HDAC1: variants seen among roughly 807,000 people sequenced by gnomAD.
HDAC1 encodes the protein histone deacetylase 1, also known as protein deacetylase HDAC1.
Under a neutral mutation model 65.5 loss-of-function variants are expected in HDAC1, and 18 were observed. That is an observed-to-expected ratio of 0.27 (90% CI 0.19 to 0.41). The LOEUF (loss-of-function observed/expected upper bound fraction) is 0.41, where lower values mean the gene tolerates loss of function less well. HDAC1 is among the 10% of genes least tolerant of loss of function. HDAC1 has a pLI of 1.00. For missense variants in HDAC1, 373 were observed against 625.2 expected, an observed-to-expected ratio of 0.60 and a Z score of 4.30; for synonymous variants, 211 against 227.9, an observed-to-expected ratio of 0.93 and a Z score of 0.67.
Position 32,333,072 on chromosome 1 carries a change from C to T in HDAC1, c.*28C>T. 2 of 1,600,492 alleles carry T rather than the reference C, an allele frequency of 1.2e-6. No individual in the cohort carries two copies. Among genetic ancestry groups the T allele is most frequent in the African/African-American group, 2.7e-5 (2 of 74,732 alleles). ...GGACCTCTCCAGCTCTGGCTTCCTG[C>T]TGAGTCCCTCACGTTTCTTCCCCAA... On this transcript the variant is annotated 3_prime_UTR_variant, in exon 14 of 14. Coordinates refer to ENST00000373548, the MANE Select transcript of HDAC1 (RefSeq NM_004964.3).
chr1:32,293,720 G>T (rs1009271628), intron 1 of HDAC1, among the ~76,000 whole-genome samples: 1 of 152,046 alleles, frequency 6.6e-6, no homozygotes, highest in Non-Finnish European at 1.5e-5. Flanking sequence ...TGACCAACAT[G>T]GTGAAACCCT....
chr1:32,320,793 G>A (rs1243118895), intron 3 of HDAC1, among the ~76,000 whole-genome samples: 1 of 151,056 alleles, frequency 6.6e-6, no homozygotes, highest in Non-Finnish European at 1.5e-5. Context: ...CCAGCTACTC[G>A]GGAGGCTGAG....
rs1475139272 is a variant in HDAC1, at chr1:32,333,526, TCTC to T, written c.*485_*487del. On this transcript the variant is annotated 3_prime_UTR_variant, in exon 14 of 14. Transcript: ENST00000373548. ...AACACTGCCTGCCCTCTGTCTGTCTTCTCCTAATTCTGCAGGTGGAGGTTGCTA... is the reference window on the plus strand; with the variant it reads ...AACACTGCCTGCCCTCTGTCTGTCTTCTAATTCTGCAGGTGGAGGTTGCTA... 3.9e-5 allele frequency: 6 copies of T among 152,928 alleles called. No homozygotes were observed. Among genetic ancestry groups the T allele is most frequent in the South Asian group, 4.1e-4 (2 of 4,866 alleles). 9.5% of individuals were successfully genotyped at this position (152,928 alleles called of 1,614,324 possible).
At chr1:32,295,142 G>A (rs1461197614) in intron 1 of HDAC1, among the ~76,000 whole-genome samples, 2 of 152,156 alleles carry the variant, frequency 1.3e-5, no homozygotes, top group African/African-American at 2.4e-5. Flanking sequence ...TGCTGAATGT[G>A]GTGGCTCACG....
intron 3 of HDAC1, among the ~76,000 whole-genome samples, chr1:32,320,543 T>C (rs1273168490): frequency 6.6e-6 from 1 of 152,096 alleles, no homozygotes; most frequent in Non-Finnish European, 1.5e-5. Flanking sequence ...GATGGTAGAA[T>C]GCAGAATGGA....
At chr1:32,318,944 C>G (rs1444923113) in intron 3 of HDAC1, among the ~76,000 whole-genome samples, 1 of 152,146 alleles carries the variant, frequency 6.6e-6, no homozygotes, top group Non-Finnish European at 1.5e-5. Flanking sequence ...CATAGTGAAA[C>G]CCCATCTCTA....
intron 1 of HDAC1, among the ~76,000 whole-genome samples, chr1:32,301,217 C>T (rs140319267): frequency 2.6e-3 from 381 of 147,544 alleles, no homozygotes; most frequent in Middle Eastern, 4.1e-3. Context: ...GAGGCCGAGG[C>T]GGGCAGATCA....
chr1:32,321,899 G>A (rs1163744398), intron 3 of HDAC1, among the ~76,000 whole-genome samples: 1 of 152,018 alleles, frequency 6.6e-6, no homozygotes, highest in African/African-American at 2.4e-5. Flanking sequence ...GGGGCCCAGG[G>A]ACCAAAGTTC....
At chr1:32,322,575 T>A in intron 3 of HDAC1, among the ~76,000 whole-genome samples, 1 of 152,170 alleles carries the variant, frequency 6.6e-6, no homozygotes, top group East Asian at 1.9e-4. Flanking sequence ...GGCCAGTAGT[T>A]ACCTTTTCTG....
At chr1:32,316,588 A>G in intron 2 of HDAC1, 77 bp from the exon 3 acceptor site, 1 of 810,402 alleles carries the variant, frequency 1.2e-6, no homozygotes, top group South Asian at 1.4e-5. Context: ...TGCGCAGGAA[A>G]TATAAATATT....
Position 32,302,748 on chromosome 1 carries a change from G to A in HDAC1, c.162+15G>A. 1.7e-6 allele frequency: 2 copies of A among 1,165,892 alleles called. No individual in the cohort carries two copies. The highest frequency in any genetic ancestry group is 2.6e-6 in the Non-Finnish European group (2 of 770,460). The allele number at this position is 1,165,892 out of a possible 1,614,324, so 72.2% of individuals were successfully genotyped here. On this transcript the variant is annotated intron_variant, in intron 2 of 13. Transcript: ENST00000373548. The stretch of plus-strand genomic sequence containing the variant: ...TGGAAATCTATGTGAGTTACCAGAG[G>A]TGCTACCGCTCCCTAACCTCATCTG...
chr1:32,298,516 G>A (rs892905352), intron 1 of HDAC1, among the ~76,000 whole-genome samples: 4 of 152,108 alleles, frequency 2.6e-5, no homozygotes, highest in East Asian at 1.9e-4. Context: ...AGGCCCAGCC[G>A]GGAATAGACT....
chr1:32,296,423 G>A (rs1640767405), intron 1 of HDAC1, among the ~76,000 whole-genome samples: 1 of 152,152 alleles, frequency 6.6e-6, no homozygotes, highest in Admixed American at 6.6e-5. Flanking sequence ...GGAGTGCAGT[G>A]GCATGATCCT....
rs1378307060 is a variant in HDAC1, at chr1:32,333,111, A to G, written c.*67A>G. The G allele has an allele frequency of 3.2e-6, 4 of 1,231,362 alleles. No individual in the cohort carries two copies. The highest frequency in any genetic ancestry group is 4.7e-6 in the Non-Finnish European group (4 of 854,228). The allele number at this position is 1,231,362 out of a possible 1,614,324, so 76.3% of individuals were successfully genotyped here. A position where few individuals can be genotyped will look rare whatever the true frequency, so the allele number is the denominator to read the frequency against. On this transcript the variant is annotated 3_prime_UTR_variant, in exon 14 of 14. Coordinates refer to ENST00000373548, the MANE Select transcript of HDAC1 (RefSeq NM_004964.3). ...TTTCTTCCCCAACCCCTCAGATTTT[A>G]TATTTTCTATTTCTCTGTGTATTTA...
intron 4 of HDAC1, among the ~76,000 whole-genome samples, chr1:32,325,553 C>T (rs1253331960): frequency 2.6e-5 from 4 of 152,198 alleles, no homozygotes; most frequent in Non-Finnish European, 5.9e-5. Flanking sequence ...GGGTTATATA[C>T]ATATCACATA....
At chr1:32,298,609 A>G (rs1640805029) in intron 1 of HDAC1, among the ~76,000 whole-genome samples, 1 of 152,240 alleles carries the variant, frequency 6.6e-6, no homozygotes, top group Admixed American at 6.5e-5. Context: ...GCTTTGTAAT[A>G]TCAGGCAAGT....
At chr1:32,326,313 C>G (rs886727772) in intron 4 of HDAC1, among the ~76,000 whole-genome samples, 3 of 151,846 alleles carry the variant, frequency 2.0e-5, no homozygotes, top group African/African-American at 7.3e-5. Context: ...AAGTGTATGT[C>G]ACCACGCCCA....
chr1:32,332,217 A>C lies in HDAC1; in HGVS notation c.1347A>C (p.Lys449Asn), dbSNP rs1288604387. Residue 449 changes from lysine (K) to asparagine (N), a missense_variant, in exon 12 of 14, where the codon AAA (lysine) becomes AAC (asparagine). Physicochemically the swap from Lys to Asn is moderately conservative, Grantham distance 94. This residue lies in a region of HDAC1 where 126 missense variants were observed against 126.2 expected (regional missense o/e 1.00). Transcript: ENST00000373548. ...AGAGAGTCAAAACAGAGGATGAAAA[A>C]GAGAAAGACCCAGAGGAGAAGAAAG... ...KAKRVKTEDE[K>N]EKDPEEKKEV... 1 of 1,613,108 alleles carries C rather than the reference A, an allele frequency of 6.2e-7. No homozygotes were observed. Among genetic ancestry groups the C allele is most frequent in the African/African-American group, 1.3e-5 (1 of 74,820 alleles).
At position 32,327,521 on chromosome 1, in the gene HDAC1, C is replaced by G. The variant is rs750779746; in HGVS notation, c.495-15C>G. The G allele has an allele frequency of 1.2e-6, 2 of 1,610,192 alleles. No individual in the cohort carries two copies. The highest frequency in any genetic ancestry group is 2.2e-5 in the South Asian group (2 of 90,972). On this transcript the variant is annotated splice_polypyrimidine_tract_variant and intron_variant, in intron 5 of 13. Transcript: ENST00000373548. The surrounding 1 kb of genome is among the most constrained non-coding windows in gnomAD (Gnocchi z 6.0). ...CCAAAGAGCCCCCAGACCCCTGACCCCCTTCTGATCCTAGGTATCACCAGA... is the reference window on the plus strand; with the variant it reads ...CCAAAGAGCCCCCAGACCCCTGACCGCCTTCTGATCCTAGGTATCACCAGA...
Sources: allele counts gnomAD v4.1 joint callset (sites outside exome capture counted in the v4.1 genomes callset), GRCh38; gene constraint gnomAD v4.1.1; regional missense constraint gnomAD v4.1.1; non-coding constraint Gnocchi (gnomAD v3.1); transcripts MANE v1.5; gene names NCBI Gene and HGNC (gene_info 2026-07-23, HGNC 2026-07-21).